The following SOX5 variants were observed in gnomAD, a reference collection of about 807,000 sequenced individuals.
SOX5 encodes transcription factor SOX-5.
A neutral mutation model predicts 92.0 loss-of-function variants in SOX5; 9 were observed. That is an observed-to-expected ratio of 0.10 (90% CI 0.06 to 0.17). The LOEUF is 0.17. Among genes scored for constraint, SOX5 ranks in the 10% least tolerant of loss-of-function variants. The pLI is 1.00. For missense variants in SOX5, 642 were observed against 944.5 expected (o/e 0.68, Z 4.20); for synonymous variants, 344 against 336.3 (o/e 1.02, Z -0.25).
intron 8 of SOX5, among the ~76,000 whole-genome samples, chr12:23,608,430 G>A (rs1040132124): frequency 5.3e-5 from 8 of 152,042 alleles, no homozygotes; most frequent in Non-Finnish European, 8.8e-5. Context: ...TGATTACTTC[G>A]TGTCTTCCTG....
At chr12:23,598,672 T>G (rs1952905065) in intron 9 of SOX5, among the ~76,000 whole-genome samples, 1 of 152,130 alleles carries the variant, frequency 6.6e-6, no homozygotes, top group African/African-American at 2.4e-5. Flanking sequence ...GTGCTGGGAT[T>G]ACAGGTGTGA....
At chr12:24,225,596 G>C (rs912051864) in intron 3 of SOX5, among the ~76,000 whole-genome samples, 11 of 152,066 alleles carry the variant, frequency 7.2e-5, no homozygotes, top group Non-Finnish European at 1.3e-4. Flanking sequence ...ACACACTCAG[G>C]AGAGTTGGTT....
At chr12:23,718,606 C>T (rs577764338) in intron 6 of SOX5, among the ~76,000 whole-genome samples, 1 of 152,186 alleles carries the variant, frequency 6.6e-6, no homozygotes, top group African/African-American at 2.4e-5. Context: ...TTTCTAAAGC[C>T]CCTTTGTGTC....
intron 4 of SOX5, among the ~76,000 whole-genome samples, chr12:24,151,026 T>C (rs1335092016): frequency 1.3e-5 from 2 of 151,922 alleles, no homozygotes; most frequent in African/African-American, 4.8e-5. Flanking sequence ...TGAAGAGGAA[T>C]TGTATAAAAA....
intron 4 of SOX5, among the ~76,000 whole-genome samples, chr12:24,095,124 CACACAGAG>C (rs1162513828): frequency 2.2e-3 from 235 of 105,102 alleles, no homozygotes; most frequent in African/African-American, 4.0e-3. Context: ...CACACACACA[CACACAGAG>C]AGAGAGAGAG....
chr12:23,832,445 A>G (rs12820848), intron 3 of SOX5, among the ~76,000 whole-genome samples: 65,198 of 151,782 alleles, frequency 0.43, 15,892 homozygotes, highest in Middle Eastern at 0.59. Context: ...ATATAAAAGT[A>G]TTCTGGGAAA....
chr12:24,340,860 GT>G (rs1465463132), intron 2 of SOX5, among the ~76,000 whole-genome samples: 1 of 152,122 alleles, frequency 6.6e-6, no homozygotes, highest in Non-Finnish European at 1.5e-5. Context: ...TTTTGTTGTT[GT>G]TGTTAGTTCA....
At chr12:23,711,168 A>G (rs2092012590) in intron 6 of SOX5, among the ~76,000 whole-genome samples, 1 of 152,290 alleles carries the variant, frequency 6.6e-6, no homozygotes, top group Non-Finnish European at 1.5e-5. Flanking sequence ...TTTTCTGTTT[A>G]CATCGGCAAT....
At chr12:24,008,588 G>A (rs527342897) in intron 4 of SOX5, among the ~76,000 whole-genome samples, 1 of 152,132 alleles carries the variant, frequency 6.6e-6, no homozygotes, top group African/African-American at 2.4e-5. Flanking sequence ...TTTCTTTAAG[G>A]TATTATGACC....
At chr12:24,562,124 C>T (rs1954426014) in intron 1 of SOX5, among the ~76,000 whole-genome samples, 1 of 152,214 alleles carries the variant, frequency 6.6e-6, no homozygotes. Flanking sequence ...TCCCACCTCT[C>T]CGCCACCCCC....
At chr12:24,367,856 T>C (rs1956331170) in intron 2 of SOX5, 1 of 152,136 alleles carries the variant, frequency 6.6e-6, no homozygotes, top group African/African-American at 2.4e-5. Flanking sequence ...TATCTTATTT[T>C]CTAATTCTAT....
chr12:24,133,769 T>C (rs1402387295), intron 4 of SOX5, among the ~76,000 whole-genome samples: 3 of 152,150 alleles, frequency 2.0e-5, no homozygotes, highest in African/African-American at 7.2e-5. Flanking sequence ...TCTCGGGTAG[T>C]TCTAAAAAGA....
chr12:24,209,712 T>C (rs1257390142), intron 4 of SOX5, among the ~76,000 whole-genome samples: 1 of 152,120 alleles, frequency 6.6e-6, no homozygotes, highest in Non-Finnish European at 1.5e-5. Flanking sequence ...ATGATAGAAA[T>C]GACACTTTTA....
At chr12:24,147,268 T>C (rs1951184009) in intron 4 of SOX5, among the ~76,000 whole-genome samples, 1 of 152,160 alleles carries the variant, frequency 6.6e-6, no homozygotes, top group African/African-American at 2.4e-5. Context: ...ATACCAGGAA[T>C]GCAAGGTTGT....
intron 1 of SOX5, among the ~76,000 whole-genome samples, chr12:24,394,645 CTCTA>C (rs1373817819): frequency 1.3e-5 from 2 of 152,186 alleles, no homozygotes; most frequent in Non-Finnish European, 2.9e-5. Context: ...ATATCCATAT[CTCTA>C]TCTGATTGTG....
chr12:23,890,741 A>G (rs558142606), intron 2 of SOX5, among the ~76,000 whole-genome samples: 1 of 152,180 alleles, frequency 6.6e-6, no homozygotes, highest in East Asian at 1.9e-4. Context: ...TATTATTAAC[A>G]GTGACCCCAA....
chr12:23,826,720 G>GGCTTAAA (rs1362446687), intron 3 of SOX5, among the ~76,000 whole-genome samples: 2 of 151,838 alleles, frequency 1.3e-5, no homozygotes, highest in African/African-American at 4.8e-5. Flanking sequence ...AGTAGAGAAG[G>GGCTTAAA]AAAACAGAAC....
intron 1 of SOX5, among the ~76,000 whole-genome samples, chr12:24,549,884 C>G (rs1043854206): frequency 1.1e-4 from 17 of 151,872 alleles, no homozygotes; most frequent in Admixed American, 1.1e-3. Context: ...AGAGCAGAGT[C>G]GAGGGAAAGA....
chr12:24,037,955 AAATCATGCATG>A (rs1313282093), intron 4 of SOX5, among the ~76,000 whole-genome samples: 4 of 152,208 alleles, frequency 2.6e-5, no homozygotes, highest in African/African-American at 7.2e-5. Flanking sequence ...ACGCATTAAA[AAATCATGCATG>A]AATCATGCAT....
Sources: allele counts gnomAD v4.1 joint callset (sites outside exome capture counted in the v4.1 genomes callset), GRCh38; gene constraint gnomAD v4.1.1; transcripts MANE v1.5; gene names NCBI Gene and HGNC (gene_info 2026-07-23, HGNC 2026-07-21).